CDH3: variants seen among roughly 807,000 people sequenced by gnomAD.
CDH3 encodes cadherin 3.
A neutral mutation model predicts 82.0 loss-of-function variants in CDH3; 54 were observed. That is an observed-to-expected ratio of 0.66 (90% confidence interval 0.53 to 0.83). CDH3 has a LOEUF of 0.83. Among genes scored for constraint, CDH3 ranks in the 40% least tolerant of loss-of-function variants. The probability of loss-of-function intolerance (pLI) is 0.00; values close to 1 mark genes in which losing one functional copy is unlikely to be tolerated. For synonymous variants in CDH3, 446 were observed against 437.9 expected, an observed-to-expected ratio of 1.02 and a Z score of -0.23; for missense variants, 1,054 against 1,084.6, an observed-to-expected ratio of 0.97 and a Z score of 0.40.
chr16:68,687,701 C>G lies in CDH3; in HGVS notation c.1760C>G (p.Ser587Ter), dbSNP rs769964220. ...TTCCAGGCCCAGCTCACAGATGACT[C>G]AGACATCTACTGGACGGCAGAGGTC... ...SPFQAQLTDDSDIYWTAEVNE... is the reference protein window; with the variant it reads ...SPFQAQLTDD Residue 587 changes from serine to a stop codon, truncating the protein, a stop_gained, in exon 12 of 16, where the codon TCA (serine) becomes TGA (stop). Transcript: ENST00000264012. LOFTEE classifies it high-confidence loss of function. 6.2e-7 allele frequency: 1 copy of G among 1,613,792 alleles called. No homozygotes were observed.
intron 3 of CDH3, among the ~76,000 whole-genome samples, chr16:68,677,881 C>T (rs1961075722): frequency 6.6e-6 from 1 of 151,992 alleles, no homozygotes; most frequent in African/African-American, 2.4e-5. Flanking sequence ...AAGTAAACAC[C>T]GAGTTTCCCT....
intron 13 of CDH3, among the ~76,000 whole-genome samples, chr16:68,692,583 A>G (rs2152105812): frequency 6.6e-6 from 1 of 152,320 alleles, no homozygotes; most frequent in South Asian, 2.1e-4. Context: ...TGATTCAGAA[A>G]TTTAGGAATA....
intron 6 of CDH3, 106 bp from the exon 7 acceptor site, chr16:68,679,693 T>TAAAAAAAA (rs1961149304): frequency 2.3e-6 from 1 of 428,614 alleles, no homozygotes; most frequent in South Asian, 2.1e-5. Context: ...AGACTTCATC[T>TAAAAAAAA]CAAAAAAAAA....
intron 2 of CDH3, among the ~76,000 whole-genome samples, chr16:68,668,428 A>G (rs1960796819): frequency 6.6e-6 from 1 of 152,206 alleles, no homozygotes; most frequent in Admixed American, 6.5e-5. Context: ...TTATGAAACT[A>G]GTGATACAAG....
At chr16:68,657,898 A>G (rs992096319) in intron 2 of CDH3, among the ~76,000 whole-genome samples, 19 of 151,986 alleles carry the variant, frequency 1.3e-4, no homozygotes, top group Non-Finnish European at 1.5e-5. Flanking sequence ...AGTAGAAGGT[A>G]TTTTTGCTTG....
At chr16:68,648,595 A>G (rs963144035) in intron 2 of CDH3, among the ~76,000 whole-genome samples, 7 of 152,022 alleles carry the variant, frequency 4.6e-5, no homozygotes, top group Non-Finnish European at 8.8e-5. Context: ...GAGACCACAG[A>G]CATGTGCTAC....
intron 13 of CDH3, among the ~76,000 whole-genome samples, chr16:68,693,663 A>C (rs937295650): frequency 1.3e-5 from 2 of 152,104 alleles, no homozygotes; most frequent in Non-Finnish European, 2.9e-5. Flanking sequence ...TCTAGCCCAC[A>C]TGTGCATGCA....
chr16:68,721,635 C>T (rs1962166071), intron 1 of CDH3, among the ~76,000 whole-genome samples: 2 of 152,214 alleles, frequency 1.3e-5, no homozygotes, highest in African/African-American at 4.8e-5. Flanking sequence ...CCTCCTGCCT[C>T]TCCCTTCTTG....
intron 3 of CDH3, among the ~76,000 whole-genome samples, chr16:68,677,460 G>T: frequency 6.6e-6 from 1 of 152,330 alleles, no homozygotes; most frequent in African/African-American, 2.4e-5. Context: ...AAATCAGGCC[G>T]AATGCGGTGG....
downstream of CDH3, among the ~76,000 whole-genome samples, chr16:68,702,030 T>A (rs370157228): frequency 2.7e-4 from 41 of 151,766 alleles, no homozygotes; most frequent in East Asian, 5.5e-3. Flanking sequence ...ATCTAAAAAA[T>A]ATATATATCT....
intron 2 of CDH3, among the ~76,000 whole-genome samples, chr16:68,661,454 C>T (rs2152093474): frequency 6.6e-6 from 1 of 152,214 alleles, no homozygotes; most frequent in South Asian, 2.1e-4. Context: ...GTGAGTACAT[C>T]AATGTTAAGT....
intron 1 of CDH3, among the ~76,000 whole-genome samples, chr16:68,710,567 A>G (rs897889997): frequency 6.6e-6 from 1 of 152,132 alleles, no homozygotes; most frequent in African/African-American, 2.4e-5. Flanking sequence ...GCTTAGATTG[A>G]AAAACTATGG....
In CDH3 at chr16:68,678,197, A is replaced by G; in HGVS notation, c.310A>G (p.Arg104Gly). ...CTTCCCATCCAAACGTATCTTACGA[A>G]GACACAAGAGAGATTGGGTGGTTGC... ...KIFPSKRILR[R>G]HKRDWVVAPI... Residue 104 changes from arginine (R) to glycine (G), a missense_variant, in exon 4 of 16, where the codon AGA (arginine) becomes GGA (glycine). Arg to Gly is a moderately radical substitution (Grantham distance 125). Coordinates refer to ENST00000264012, the MANE Select transcript of CDH3 (RefSeq NM_001793.6). 6.2e-7 allele frequency: 1 copy of G among 1,613,880 alleles called. No homozygotes were observed. Among genetic ancestry groups the G allele is most frequent in the Non-Finnish European group, 8.5e-7 (1 of 1,179,736 alleles).
intron 2 of CDH3, among the ~76,000 whole-genome samples, chr16:68,675,221 T>G (rs998641932): frequency 1.3e-5 from 2 of 152,182 alleles, no homozygotes; most frequent in East Asian, 1.9e-4. Context: ...AATCTGAAAC[T>G]AAAAGACAGG....
intron 2 of CDH3, among the ~76,000 whole-genome samples, chr16:68,654,985 G>A (rs76403656): frequency 3.3e-5 from 5 of 152,182 alleles, no homozygotes; most frequent in East Asian, 3.9e-4. Flanking sequence ...GCAGTGAGCC[G>A]AGATTGCACC....
chr16:68,682,272 C>T (rs199903900), intron 8 of CDH3, 30 bp from the exon 9 acceptor site: 1 of 1,608,158 alleles, frequency 6.2e-7, no homozygotes, highest in Admixed American at 1.7e-5. Context: ...ATTCTCTGCT[C>T]TGATAGTGCT....
chr16:68,730,064 C>T (rs1962267583), downstream of CDH3, among the ~76,000 whole-genome samples: 1 of 151,644 alleles, frequency 6.6e-6, no homozygotes, highest in Non-Finnish European at 1.5e-5. Context: ...GAAACCCTGT[C>T]TCTACTAAAA....
At chr16:68,715,209 C>T (rs1219869500) in intron 1 of CDH3, among the ~76,000 whole-genome samples, 1 of 151,694 alleles carries the variant, frequency 6.6e-6, no homozygotes, top group Admixed American at 6.6e-5. Flanking sequence ...GCAGATCACT[C>T]GAAGCCAGGA....
At chr16:68,675,813 GA>G (rs1053330089) in intron 2 of CDH3, among the ~76,000 whole-genome samples, 9 of 150,138 alleles carry the variant, frequency 6.0e-5, no homozygotes, top group African/African-American at 9.8e-5. Flanking sequence ...AAAAAGAAAA[GA>G]AAAAAAAGTG....
Sources: allele counts gnomAD v4.1 joint callset (sites outside exome capture counted in the v4.1 genomes callset), GRCh38; gene constraint gnomAD v4.1.1; transcripts MANE v1.5; gene names NCBI Gene and HGNC (gene_info 2026-07-23, HGNC 2026-07-21).